KLHL1: variants seen among roughly 807,000 people sequenced by gnomAD.
KLHL1 encodes the protein kelch like family member 1, also known as kelch-like protein 1.
KLHL1 carries 47 observed loss-of-function variants against 77.7 expected under a neutral mutation model. That is an observed-to-expected ratio of 0.60 (90% CI 0.48 to 0.77). The LOEUF is 0.77. Among genes scored for constraint, KLHL1 ranks in the 30% least tolerant of loss-of-function variants. KLHL1 has a pLI of 0.00. For missense variants in KLHL1, 925 were observed against 910.8 expected, an observed-to-expected ratio of 1.02 and a Z score of -0.20; for synonymous variants, 360 against 325.2, an observed-to-expected ratio of 1.11 and a Z score of -1.15.
chr13:69,800,432 A>G (rs1222956073), intron 6 of KLHL1, among the ~76,000 whole-genome samples: 2 of 152,144 alleles, frequency 1.3e-5, no homozygotes, highest in African/African-American at 4.8e-5. Context: ...CCAGTCTTCA[A>G]TCTTGCTCAG....
At chr13:70,086,735 T>G (rs1326286414) in intron 1 of KLHL1, among the ~76,000 whole-genome samples, 7 of 151,198 alleles carry the variant, frequency 4.6e-5, no homozygotes, top group Admixed American at 4.6e-4. Context: ...ATCTTACCTC[T>G]TATATGTAGT....
chr13:69,774,815 C>T (rs1387096440), intron 7 of KLHL1, among the ~76,000 whole-genome samples: 1 of 152,110 alleles, frequency 6.6e-6, no homozygotes, highest in African/African-American at 2.4e-5. Context: ...TATGTGTTAT[C>T]TTTTATTGTA....
chr13:69,924,621 C>T (rs1350475684), intron 4 of KLHL1, among the ~76,000 whole-genome samples: 1 of 152,152 alleles, frequency 6.6e-6, no homozygotes, highest in African/African-American at 2.4e-5. Context: ...TCTTCCTGGG[C>T]ACGGGACAAG....
intron 9 of KLHL1, among the ~76,000 whole-genome samples, chr13:69,716,835 A>G (rs1872776969): frequency 6.6e-6 from 1 of 152,168 alleles, no homozygotes; most frequent in Admixed American, 6.6e-5. Flanking sequence ...TTGCTGACTA[A>G]ATAGGTAAAT....
At position 69,839,059 on chromosome 13, in the gene KLHL1, G is replaced by A; in HGVS notation, c.1331C>T (p.Thr444Ile). Residue 444 changes from threonine (T) to isoleucine (I), a missense_variant, in exon 6 of 11, where the codon ACT (threonine) becomes ATT (isoleucine). By Grantham distance (89) the Thr-to-Ile change is moderately conservative. Transcript: ENST00000377844. ...TTTAGTTCTCGGACTTTGCATTAAA[G>A]TTCTTCTTTCTGGCAATAGATGGTA... ...MKYHLLPERR[T>I]LMQSPRTKPR... 3.1e-6 allele frequency: 5 copies of A among 1,611,062 alleles called. No individual in the cohort carries two copies. The highest frequency in any genetic ancestry group is 4.2e-6 in the Non-Finnish European group (5 of 1,178,316).
intron 1 of KLHL1, among the ~76,000 whole-genome samples, chr13:70,035,975 TTAA>T (rs564177533): frequency 8.4e-4 from 128 of 152,176 alleles, no homozygotes; most frequent in African/African-American, 3.0e-3. Flanking sequence ...ACATTATTAT[TTAA>T]TAATGTTTAC....
chr13:69,727,912 T>C (rs1873373645), intron 8 of KLHL1, among the ~76,000 whole-genome samples: 2 of 152,042 alleles, frequency 1.3e-5, no homozygotes, highest in Non-Finnish European at 2.9e-5. Flanking sequence ...ATGATCTCTT[T>C]GGGGCCACTC....
chr13:69,813,931 G>A (rs1017677451), intron 6 of KLHL1, among the ~76,000 whole-genome samples: 10 of 151,986 alleles, frequency 6.6e-5, no homozygotes, highest in African/African-American at 2.2e-4. Context: ...AAGAGTCCTA[G>A]AATCCAAAGA....
chr13:69,925,568 T>C (rs1481148254), intron 4 of KLHL1, among the ~76,000 whole-genome samples: 1 of 152,182 alleles, frequency 6.6e-6, no homozygotes, highest in South Asian at 2.1e-4. Context: ...GATTATTTAA[T>C]TTACTAGAAG....
intron 3 of KLHL1, among the ~76,000 whole-genome samples, chr13:69,960,639 G>A (rs1884033378): frequency 1.3e-5 from 2 of 151,862 alleles, no homozygotes; most frequent in African/African-American, 2.4e-5. Context: ...AGCTTCATGA[G>A]GGCAATACAC....
At chr13:69,791,719 T>C (rs148099657) in intron 7 of KLHL1, among the ~76,000 whole-genome samples, 27 of 152,258 alleles carry the variant, frequency 1.8e-4, no homozygotes, top group African/African-American at 6.0e-4. Context: ...AAGGACAGCA[T>C]GCAAAAGAAT....
intron 1 of KLHL1, among the ~76,000 whole-genome samples, chr13:70,072,546 A>G (rs1426280721): frequency 6.6e-6 from 1 of 152,142 alleles, no homozygotes; most frequent in Non-Finnish European, 1.5e-5. Context: ...CCTCAATGAG[A>G]TATGAGCACA....
At chr13:69,885,645 G>T (rs17085600) in intron 4 of KLHL1, among the ~76,000 whole-genome samples, 1,928 of 152,090 alleles carry the variant, frequency 0.013, 51 homozygotes, top group African/African-American at 0.044. Context: ...ACTCCTTATT[G>T]TCTATGAAGA....
intron 1 of KLHL1, among the ~76,000 whole-genome samples, chr13:70,053,895 G>A (rs925327321): frequency 2.6e-5 from 4 of 152,162 alleles, no homozygotes; most frequent in African/African-American, 9.6e-5. Context: ...TAGGGAATGC[G>A]TCTACCTACT....
chr13:69,903,816 A>G (rs1002985422), intron 4 of KLHL1, among the ~76,000 whole-genome samples: 17 of 150,422 alleles, frequency 1.1e-4, no homozygotes, highest in African/African-American at 3.4e-4. Flanking sequence ...TAATTTTTGT[A>G]TTTTTAGTAG....
At chr13:69,770,263 C>G (rs1593812474) in intron 7 of KLHL1, among the ~76,000 whole-genome samples, 1 of 152,158 alleles carries the variant, frequency 6.6e-6, no homozygotes, top group East Asian at 1.9e-4. Flanking sequence ...CCAAGGTGAT[C>G]ACAGAATCTG....
chr13:70,102,215 T>A (rs1260882561), intron 1 of KLHL1, among the ~76,000 whole-genome samples: 1 of 152,166 alleles, frequency 6.6e-6, no homozygotes, highest in Admixed American at 6.5e-5. Flanking sequence ...TGGTGTGTGC[T>A]CTCTTTCAGT....
intron 7 of KLHL1, among the ~76,000 whole-genome samples, chr13:69,760,617 A>T (rs1224784866): frequency 6.6e-6 from 1 of 151,978 alleles, no homozygotes; most frequent in Non-Finnish European, 1.5e-5. Flanking sequence ...AGACTCCCAA[A>T]CTGCTGGGAT....
chr13:69,991,177 T>C (rs1885018071), intron 1 of KLHL1, among the ~76,000 whole-genome samples: 1 of 151,812 alleles, frequency 6.6e-6, no homozygotes, highest in Non-Finnish European at 1.5e-5. Context: ...AAATTTATAG[T>C]ACTAAACACC....
Sources: allele counts gnomAD v4.1 joint callset (sites outside exome capture counted in the v4.1 genomes callset), GRCh38; gene constraint gnomAD v4.1.1; transcripts MANE v1.5; gene names NCBI Gene and HGNC (gene_info 2026-07-23, HGNC 2026-07-21).